CSNK1G1: variants seen among roughly 807,000 people sequenced by gnomAD.
CSNK1G1 encodes the protein casein kinase I isoform gamma-1.
In CSNK1G1, 22 loss-of-function variants were observed where a neutral mutation model predicts 59.6. That is an observed-to-expected ratio of 0.37 (90% CI 0.26 to 0.53). The LOEUF is 0.53. CSNK1G1 is among the 20% of genes least tolerant of loss of function. The probability of loss-of-function intolerance (pLI) is 0.89; values close to 1 mark genes in which losing one functional copy is unlikely to be tolerated. For synonymous variants in CSNK1G1, 179 were observed against 177.1 expected, an observed-to-expected ratio of 1.01 and a Z score of -0.08; for missense variants, 384 against 519.5, an observed-to-expected ratio of 0.74 and a Z score of 2.54.
intron 1 of CSNK1G1, among the ~76,000 whole-genome samples, chr15:64,306,399 CAT>C (rs1239413340): frequency 1.3e-5 from 2 of 152,076 alleles, no homozygotes; most frequent in African/African-American, 4.8e-5. Context: ...TACTCAATAC[CAT>C]ATGTCAGAAG....
At chr15:64,211,024 A>G (rs2082243403) in intron 6 of CSNK1G1, among the ~76,000 whole-genome samples, 1 of 152,198 alleles carries the variant, frequency 6.6e-6, no homozygotes, top group African/African-American at 2.4e-5. Context: ...GGCCCTCACC[A>G]GATGCAGATG....
intron 1 of CSNK1G1, among the ~76,000 whole-genome samples, chr15:64,352,027 C>T (rs753851834): frequency 7.5e-4 from 114 of 151,952 alleles, no homozygotes; most frequent in Admixed American, 2.0e-3. Flanking sequence ...ACACAGCAGG[C>T]CGGGCAGGGC....
chr15:64,239,793 A>T (rs781416559), intron 4 of CSNK1G1, among the ~76,000 whole-genome samples: 14 of 152,346 alleles, frequency 9.2e-5, no homozygotes, highest in Non-Finnish European at 1.2e-4. Flanking sequence ...TAAGAGATAG[A>T]TATAGAAAAG....
chr15:64,299,591 CA>C (rs971199917), intron 2 of CSNK1G1, among the ~76,000 whole-genome samples: 58 of 139,752 alleles, frequency 4.2e-4, no homozygotes, highest in Non-Finnish European at 3.7e-4. Flanking sequence ...GACTCCATCT[CA>C]AAAAAAAAAA....
chr15:64,200,693 A>G lies in CSNK1G1; in HGVS notation c.1107+2389T>C, dbSNP rs551310626. Among the ~76,000 whole-genome samples, 4 of 152,292 alleles carry G rather than the reference A, an allele frequency of 2.6e-5. No homozygotes were observed. Among genetic ancestry groups the G allele is most frequent in the Admixed American group, 2.6e-4 (4 of 15,300 alleles). ...CATTTAAAATATTTTAGAATATATT[A>G]CTACACTTCCAACCCTATTTCTGTT... On this transcript the variant is annotated intron_variant, in intron 10 of 11. Transcript: ENST00000303052. The surrounding 1 kb of genome is among the most constrained non-coding windows in gnomAD (Gnocchi z 4.3).
chr15:64,299,218 C>A (rs2140400618), intron 2 of CSNK1G1, among the ~76,000 whole-genome samples: 1 of 152,268 alleles, frequency 6.6e-6, no homozygotes, highest in East Asian at 1.9e-4. Context: ...CCACATTCTC[C>A]AGGCTAATTT....
intron 1 of CSNK1G1, among the ~76,000 whole-genome samples, chr15:64,309,523 GT>G (rs1895877820): frequency 6.6e-6 from 1 of 152,012 alleles, no homozygotes; most frequent in South Asian, 2.1e-4. Flanking sequence ...AAATAAAATG[GT>G]GAATGTGACA....
intron 1 of CSNK1G1, among the ~76,000 whole-genome samples, chr15:64,320,913 G>A (rs1344378726): frequency 6.6e-6 from 1 of 152,020 alleles, no homozygotes; most frequent in Non-Finnish European, 1.5e-5. Flanking sequence ...TAGCGTAAGT[G>A]ATCTACATTG....
intron 1 of CSNK1G1, chr15:64,342,395 T>C (rs1897724784): frequency 2.6e-5 from 4 of 152,242 alleles, no homozygotes; most frequent in African/African-American, 9.6e-5. Context: ...TTATTAGTAT[T>C]ATGTTTTCTC....
chr15:64,221,216 A>G lies in CSNK1G1; in HGVS notation c.293-4503T>C, dbSNP rs116046132. ...CTTTCTAAAGTACAAGCTAAAAGTCAGGCTTGCTTAGAAATATAATATTGG... is the reference window on the plus strand; with the variant it reads ...CTTTCTAAAGTACAAGCTAAAAGTCGGGCTTGCTTAGAAATATAATATTGG... On this transcript the variant is annotated intron_variant, in intron 4 of 11. Coordinates refer to ENST00000303052, the MANE Select transcript of CSNK1G1 (RefSeq NM_022048.5). Among the ~76,000 whole-genome samples, 3,553 of 152,334 alleles carry G rather than the reference A, an allele frequency of 0.023. 262 individuals are homozygous for G. The South Asian group carries it at 0.29, about 13-fold the overall frequency.
At position 64,203,598 on chromosome 15, in the gene CSNK1G1, G is replaced by A. The variant is rs189471708; in HGVS notation, c.1000-409C>T. ...TGTGATCCCAGCTACTCGGGATGCT[G>A]AGGCAGGAGAATCGCTTGAACCTGG... is the stretch of plus-strand genomic sequence containing the variant. On this transcript the variant is annotated intron_variant, in intron 9 of 11. Coordinates refer to ENST00000303052, the MANE Select transcript of CSNK1G1 (RefSeq NM_022048.5). Among the ~76,000 whole-genome samples the A allele has an allele frequency of 8.3e-4, 125 of 150,740 alleles. 1 individual carries two copies. Among genetic ancestry groups the A allele is most frequent in the African/African-American group, 2.9e-3 (118 of 40,812 alleles).
At chr15:64,239,761 T>C (rs917485998) in intron 4 of CSNK1G1, among the ~76,000 whole-genome samples, 1 of 152,090 alleles carries the variant, frequency 6.6e-6, no homozygotes, top group Admixed American at 6.6e-5. Context: ...AAATAATTCA[T>C]GATATAAACT....
chr15:64,199,530 T>C (rs1251848507), intron 10 of CSNK1G1, among the ~76,000 whole-genome samples: 2 of 152,114 alleles, frequency 1.3e-5, no homozygotes, highest in East Asian at 3.9e-4. Context: ...ATAAATTCAC[T>C]GAAGCAGGAA....
intron 2 of CSNK1G1, among the ~76,000 whole-genome samples, chr15:64,276,872 G>A (rs137927628): frequency 0.048 from 7,190 of 151,280 alleles, 180 homozygotes; most frequent in South Asian, 0.078. Flanking sequence ...GTGTGAACCC[G>A]GGAGGCAGAG....
chr15:64,265,033 C>G (rs913912802), intron 2 of CSNK1G1, among the ~76,000 whole-genome samples: 6 of 152,160 alleles, frequency 3.9e-5, no homozygotes, highest in African/African-American at 2.4e-5. Context: ...ACCAATGAGG[C>G]AAAAGAAAGG....
chr15:64,300,715 T>C lies in CSNK1G1; in HGVS notation c.-216A>G. ...ACTAGGTCTCAATCTTAGGTGAACATCTTGTAACCTAGGTAAAAATCAAGA... is the reference window on the plus strand; with the variant it reads ...ACTAGGTCTCAATCTTAGGTGAACACCTTGTAACCTAGGTAAAAATCAAGA... On this transcript the variant is annotated 5_prime_UTR_variant, in exon 2 of 12. The change abolishes an upstream ATG in the 5' untranslated region. Transcript: ENST00000303052. The C allele has an allele frequency of 1.6e-6, 2 of 1,239,488 alleles. No homozygotes were observed. Among genetic ancestry groups the C allele is most frequent in the Non-Finnish European group, 2.0e-6 (2 of 991,178 alleles). 76.8% of individuals were successfully genotyped at this position (1,239,488 alleles called of 1,614,324 possible). A position where few individuals can be genotyped will look rare whatever the true frequency, so the allele number is the denominator to read the frequency against.
At chr15:64,239,364 GT>G (rs1004189913) in intron 4 of CSNK1G1, among the ~76,000 whole-genome samples, 5 of 151,758 alleles carry the variant, frequency 3.3e-5, no homozygotes, top group African/African-American at 4.8e-5. Flanking sequence ...GTTGTTGTAT[GT>G]TTTTTTTCTT....
chr15:64,341,471 T>TGTTGGTTG (rs952265303), intron 1 of CSNK1G1, among the ~76,000 whole-genome samples: 1 of 152,144 alleles, frequency 6.6e-6, no homozygotes, highest in Non-Finnish European at 1.5e-5. Context: ...TTATTTCTTC[T>TGTTGGTTG]GTTGGTTGGT....
intron 4 of CSNK1G1, among the ~76,000 whole-genome samples, chr15:64,220,793 A>T (rs2082378907): frequency 6.6e-6 from 1 of 152,080 alleles, no homozygotes; most frequent in African/African-American, 2.4e-5. Context: ...GCCTCAAGTG[A>T]TCTGCCTGCC....
Sources: allele counts gnomAD v4.1 joint callset (sites outside exome capture counted in the v4.1 genomes callset), GRCh38; gene constraint gnomAD v4.1.1; non-coding constraint Gnocchi (gnomAD v3.1); transcripts MANE v1.5; gene names NCBI Gene and HGNC (gene_info 2026-07-23, HGNC 2026-07-21).